The following ALMS1 variants were observed in gnomAD, a reference collection of about 807,000 sequenced individuals.
The protein encoded by ALMS1 is centrosome-associated protein ALMS1.
A neutral mutation model predicts 352.2 loss-of-function variants in ALMS1; 271 were observed. That is an observed-to-expected ratio of 0.77 (90% CI 0.70 to 0.85). The LOEUF (loss-of-function observed/expected upper bound fraction) is 0.85, where lower values mean the gene tolerates loss of function less well. Among genes scored for constraint, ALMS1 ranks in the 40% least tolerant of loss-of-function variants. The pLI is 0.00. For missense variants in ALMS1, 5,445 were observed against 4,870.7 expected, an observed-to-expected ratio of 1.12 and a Z score of -3.51; for synonymous variants, 1,865 against 1,761.2, an observed-to-expected ratio of 1.06 and a Z score of -1.48.
At position 73,601,255 on chromosome 2, in the gene ALMS1, C is replaced by A. The variant is rs779063839; in HGVS notation, c.11933C>A (p.Pro3978His). Reference sequence around the variant, plus strand: ...TCTAGATCAAAGAAGGAAAACGTGCCTAACACTTGTGGCCCTGGCATCTCC... The same window carrying A: ...TCTAGATCAAAGAAGGAAAACGTGCATAACACTTGTGGCCCTGGCATCTCC... ...VESRSKKENV[P>H]NTCGPGISWF... The change falls in exon 19 of 23, where the codon CCT becomes CAT. Residue 3978 changes from proline (P) to histidine (H), a missense_variant. Transcript: ENST00000613296. 1 of 1,614,096 alleles carries A rather than the reference C, an allele frequency of 6.2e-7. No homozygotes were observed. Among genetic ancestry groups the A allele is most frequent in the African/African-American group, 1.3e-5 (1 of 74,918 alleles).
chr2:73,467,772 A>G (rs779147706), intron 9 of ALMS1, among the ~76,000 whole-genome samples: 3 of 152,102 alleles, frequency 2.0e-5, no homozygotes, highest in South Asian at 2.1e-4. Flanking sequence ...ATAGCAAACT[A>G]CTACTGCCTC....
chr2:73,486,707 A>G (rs1484763658), intron 9 of ALMS1, among the ~76,000 whole-genome samples: 5 of 152,256 alleles, frequency 3.3e-5, no homozygotes, highest in Middle Eastern at 3.4e-3. Flanking sequence ...CATTTGTTTT[A>G]TATATATTTT....
chr2:73,433,614 G>A (rs1671553041), intron 7 of ALMS1, among the ~76,000 whole-genome samples: 1 of 152,098 alleles, frequency 6.6e-6, no homozygotes, highest in Non-Finnish European at 1.5e-5. Flanking sequence ...AAAATTTTGG[G>A]TCAGGTACAG....
At position 73,513,024 on chromosome 2, in the gene ALMS1, G is replaced by GT; in HGVS notation, c.9540-6746dup. Among the ~76,000 whole-genome samples the GT allele has an allele frequency of 2.0e-5, 3 of 152,028 alleles. No individual in the cohort carries two copies. The South Asian group carries it at 6.2e-4, about 32-fold the overall frequency. ...CATCTCATTTTTTACTTTTTTCTTT[G>GT]TTTTTGTAACTTTCATATCTAATAG... On this transcript the variant is annotated intron_variant, in intron 10 of 22. Coordinates refer to ENST00000613296, the MANE Select transcript of ALMS1 (RefSeq NM_001378454.1).
At chr2:73,578,193 C>G (rs1213569266) in intron 16 of ALMS1, among the ~76,000 whole-genome samples, 1 of 152,150 alleles carries the variant, frequency 6.6e-6, no homozygotes, top group Non-Finnish European at 1.5e-5. Flanking sequence ...ATTAGGGTAA[C>G]TACCCCAGCT....
intron 2 of ALMS1, among the ~76,000 whole-genome samples, chr2:73,414,379 TA>T (rs969233355): frequency 6.3e-5 from 8 of 127,146 alleles, no homozygotes; most frequent in African/African-American, 2.1e-4. Context: ...GTAGCTTTTT[TA>T]AAAAAATATT....
At position 73,450,237 on chromosome 2, in the gene ALMS1, C is replaced by T; in HGVS notation, c.3710C>T (p.Ala1237Val). The T allele has an allele frequency of 6.2e-7, 1 of 1,614,076 alleles. No homozygotes were observed. The highest frequency in any genetic ancestry group is 8.5e-7 in the Non-Finnish European group (1 of 1,179,992). Residue 1237 changes from alanine (A) to valine (V), a missense_variant, in exon 8 of 23, where the codon GCT becomes GTT. By Grantham distance (64) the Ala-to-Val change is moderately conservative (BLOSUM62 0). Coordinates refer to ENST00000613296, the MANE Select transcript of ALMS1 (RefSeq NM_001378454.1). The part of the protein sequence containing the change: ...QKTGTPTPTS[A>V]SYSHTEKPGI... ...ACTGGGACACCAACTCCAACCTCTG[C>T]TTCTTACTCACACACAGAGAAGCCT...
intron 11 of ALMS1, among the ~76,000 whole-genome samples, chr2:73,522,467 C>CTTTTTTTTT (rs137919148): frequency 3.7e-5 from 4 of 106,754 alleles, no homozygotes; most frequent in Non-Finnish European, 5.3e-5. Flanking sequence ...GGTTGAGGTC[C>CTTTTTTTTT]TTTTTTTTTT....
intron 12 of ALMS1, among the ~76,000 whole-genome samples, chr2:73,535,716 A>G (rs1344819970): frequency 6.6e-6 from 1 of 152,200 alleles, no homozygotes. Context: ...GAGGCACTAG[A>G]TAAATATTTC....
chr2:73,597,848 A>G (rs1459112285), intron 16 of ALMS1, among the ~76,000 whole-genome samples: 3 of 151,894 alleles, frequency 2.0e-5, no homozygotes, highest in Non-Finnish European at 2.9e-5. Context: ...GGACTTTACA[A>G]TTGCCCCTAC....
In ALMS1 at chr2:73,451,665, C is replaced by T; in HGVS notation, c.5138C>T (p.Ser1713Leu). Residue 1713 changes from serine (S) to leucine (L), a missense_variant, in exon 8 of 23, where the codon TCA (serine) becomes TTA (leucine). Ser to Leu is a moderately radical substitution (Grantham distance 145, BLOSUM62 -2). Coordinates refer to ENST00000613296, the MANE Select transcript of ALMS1 (RefSeq NM_001378454.1). ...ETPSVSSSLY[S>L]YREKPIVFYQ... ...CCATCAGTATCCTCTAGTTTATACT[C>T]ATATAGAGAGAAGCCCATTGTCTTC... 6.2e-7 allele frequency: 1 copy of T among 1,614,090 alleles called. No individual in the cohort carries two copies. The highest frequency in any genetic ancestry group is 1.1e-5 in the South Asian group (1 of 91,074).
intron 18 of ALMS1, 56 bp from the exon 19 acceptor site, chr2:73,601,139 G>A (rs1675675489): frequency 1.2e-6 from 2 of 1,612,098 alleles, no homozygotes; most frequent in South Asian, 2.2e-5. Flanking sequence ...TAAGAGCTGG[G>A]TGGGGCTGTA....
intron 12 of ALMS1, among the ~76,000 whole-genome samples, chr2:73,539,653 G>T (rs575146789): frequency 1.3e-5 from 2 of 152,282 alleles, no homozygotes; most frequent in South Asian, 4.1e-4. Flanking sequence ...TGGCTAACTA[G>T]AATAACCAAT....
intron 15 of ALMS1, among the ~76,000 whole-genome samples, chr2:73,560,193 C>G (rs1263204512): frequency 6.6e-6 from 1 of 152,040 alleles, no homozygotes; most frequent in Non-Finnish European, 1.5e-5. Context: ...AAGAAAAACC[C>G]AAACAACTTA....
chr2:73,541,636 A>G (rs1032591340), intron 12 of ALMS1, among the ~76,000 whole-genome samples: 11 of 152,268 alleles, frequency 7.2e-5, no homozygotes, highest in Admixed American at 7.2e-4. Flanking sequence ...CTAATAAAGA[A>G]GAAAAGAGAG....
chr2:73,432,162 T>G, intron 6 of ALMS1, 36 bp from the exon 7 acceptor site: 1 of 1,531,074 alleles, frequency 6.5e-7, no homozygotes, highest in Non-Finnish European at 9.1e-7. Context: ...TAATGAGTCT[T>G]TTTCATTTTT....
intron 10 of ALMS1, among the ~76,000 whole-genome samples, chr2:73,509,323 G>T (rs1327984590): frequency 6.6e-6 from 1 of 152,034 alleles, no homozygotes; most frequent in Non-Finnish European, 1.5e-5. Context: ...CCCATTAGTT[G>T]ATGTAGTTTC....
At chr2:73,541,630 TAAA>T (rs1238278102) in intron 12 of ALMS1, among the ~76,000 whole-genome samples, 3 of 151,832 alleles carry the variant, frequency 2.0e-5, no homozygotes, top group African/African-American at 4.8e-5. Context: ...GCCAGACTAA[TAAA>T]GAAGAAAAGA....
chr2:73,528,734 AT>A (rs1375774864), intron 11 of ALMS1, among the ~76,000 whole-genome samples: 2 of 150,662 alleles, frequency 1.3e-5, no homozygotes, highest in African/African-American at 4.9e-5. Flanking sequence ...TTTATTTTTT[AT>A]TTTAGATTTG....
Sources: allele counts gnomAD v4.1 joint callset (sites outside exome capture counted in the v4.1 genomes callset), GRCh38; gene constraint gnomAD v4.1.1; transcripts MANE v1.5; gene names NCBI Gene and HGNC (gene_info 2026-07-23, HGNC 2026-07-21).